The following KCNK2 variants were observed in gnomAD, a reference collection of about 807,000 sequenced individuals.
KCNK2 encodes the protein potassium channel subfamily K member 2.
KCNK2 carries 21 observed loss-of-function variants against 40.5 expected under a neutral mutation model. The ratio of observed to expected loss-of-function variants is 0.52; its 90% CI spans 0.37 to 0.75. The LOEUF is 0.75. Among genes scored for constraint, KCNK2 ranks in the 30% least tolerant of loss-of-function variants. The pLI is 0.00. For missense variants in KCNK2, 399 were observed against 531.6 expected, an observed-to-expected ratio of 0.75 and a Z score of 2.45; for synonymous variants, 191 against 202.2, an observed-to-expected ratio of 0.94 and a Z score of 0.47.
intron 5 of KCNK2, among the ~76,000 whole-genome samples, chr1:215,175,058 A>G (rs1027667191): frequency 2.6e-5 from 4 of 152,112 alleles, no homozygotes; most frequent in Admixed American, 2.6e-4. Flanking sequence ...TTTTCAAAGG[A>G]AATGCTTCCA....
At chr1:215,044,833 G>GCGCA (rs540471262) in intron 1 of KCNK2, among the ~76,000 whole-genome samples, 276 of 141,426 alleles carry the variant, frequency 2.0e-3, no homozygotes, top group African/African-American at 5.2e-3. Context: ...GTGTGCGCGC[G>GCGCA]CACACGTGTG....
At chr1:215,071,247 G>T (rs1658747463) in intron 1 of KCNK2, among the ~76,000 whole-genome samples, 1 of 152,174 alleles carries the variant, frequency 6.6e-6, no homozygotes, top group Non-Finnish European at 1.5e-5. Flanking sequence ...AGGTCTCAGA[G>T]AAGCTTGTGA....
intron 1 of KCNK2, among the ~76,000 whole-genome samples, chr1:215,048,265 T>G: frequency 6.6e-6 from 1 of 152,212 alleles, no homozygotes; most frequent in East Asian, 1.9e-4. Flanking sequence ...TGACTCTAAG[T>G]CATCAGTTCA....
intron 5 of KCNK2, among the ~76,000 whole-genome samples, chr1:215,185,045 G>A (rs1664378395): frequency 6.6e-6 from 1 of 152,096 alleles, no homozygotes; most frequent in Admixed American, 6.6e-5. Flanking sequence ...ATAGGAGAAT[G>A]ATAGCTGTGT....
intron 1 of KCNK2, among the ~76,000 whole-genome samples, chr1:215,067,595 G>T (rs1429288084): frequency 6.6e-6 from 1 of 152,110 alleles, no homozygotes; most frequent in East Asian, 1.9e-4. Context: ...CATCACACTT[G>T]TTGAATTTTT....
chr1:215,087,731 G>C (rs1659508933), intron 2 of KCNK2, among the ~76,000 whole-genome samples: 1 of 152,180 alleles, frequency 6.6e-6, no homozygotes, highest in African/African-American at 2.4e-5. Context: ...TTGTTTGAAT[G>C]AGTTGGAATA....
chr1:215,124,560 G>T, intron 2 of KCNK2, 73 bp from the exon 3 acceptor site: 1 of 853,050 alleles, frequency 1.2e-6, no homozygotes, highest in Non-Finnish European at 2.0e-6. Context: ...AGTCATTTCT[G>T]GGGTGGAATA....
chr1:215,061,455 A>G (rs1200404432), intron 1 of KCNK2, among the ~76,000 whole-genome samples: 1 of 152,098 alleles, frequency 6.6e-6, no homozygotes, highest in Non-Finnish European at 1.5e-5. Context: ...TTTGGGAGGA[A>G]TGGGTTCAGA....
At chr1:215,172,825 T>C (rs958212458) in intron 5 of KCNK2, among the ~76,000 whole-genome samples, 7 of 151,912 alleles carry the variant, frequency 4.6e-5, no homozygotes, top group Non-Finnish European at 7.4e-5. Flanking sequence ...CCCAGCTAAT[T>C]GATGTATTTT....
intron 3 of KCNK2, among the ~76,000 whole-genome samples, chr1:215,127,849 C>T (rs1661499631): frequency 6.6e-6 from 1 of 152,172 alleles, no homozygotes; most frequent in Non-Finnish European, 1.5e-5. Context: ...TTGGAAATTA[C>T]ATAACACCAT....
intron 3 of KCNK2, among the ~76,000 whole-genome samples, chr1:215,146,595 T>C (rs1662427006): frequency 6.6e-6 from 1 of 152,130 alleles, no homozygotes; most frequent in African/African-American, 2.4e-5. Context: ...TATACATACT[T>C]TCCCAGTCTG....
chr1:215,085,865 A>G (rs1444062968), intron 1 of KCNK2, among the ~76,000 whole-genome samples: 7 of 152,216 alleles, frequency 4.6e-5, no homozygotes. Context: ...TTCTTTTATA[A>G]TGCAATTCAT....
At chr1:215,070,333 G>GAA (rs1658706426) in intron 1 of KCNK2, among the ~76,000 whole-genome samples, 4 of 150,882 alleles carry the variant, frequency 2.7e-5, no homozygotes, top group African/African-American at 9.8e-5. Flanking sequence ...GGAGAATGGC[G>GAA]TGAATCTGGG....
chr1:215,111,230 A>G (rs976067755), intron 2 of KCNK2, among the ~76,000 whole-genome samples: 1 of 151,966 alleles, frequency 6.6e-6, no homozygotes, highest in Non-Finnish European at 1.5e-5. Context: ...TTTCTTGCCA[A>G]GTTGCTCTAC....
chr1:215,196,485 T>C (rs1200772111), intron 6 of KCNK2, among the ~76,000 whole-genome samples: 1 of 152,218 alleles, frequency 6.6e-6, no homozygotes, highest in Non-Finnish European at 1.5e-5. Context: ...ATTTCCTAAT[T>C]GGGAATTTAC....
chr1:215,131,164 TTTTTTA>T (rs996247530), intron 3 of KCNK2, among the ~76,000 whole-genome samples: 81 of 151,826 alleles, frequency 5.3e-4, no homozygotes, highest in African/African-American at 1.9e-3. Flanking sequence ...CCAGCAAGTT[TTTTTTA>T]TTTTTAAGTT....
chr1:215,213,639 C>G (rs1363828803), intron 6 of KCNK2, among the ~76,000 whole-genome samples: 3 of 151,876 alleles, frequency 2.0e-5, no homozygotes, highest in Non-Finnish European at 2.9e-5. Context: ...CCTAATTTTA[C>G]TATAAAATTA....
chr1:215,211,928 C>G (rs1665760473), intron 6 of KCNK2, among the ~76,000 whole-genome samples: 3 of 151,942 alleles, frequency 2.0e-5, no homozygotes, highest in Admixed American at 2.0e-4. Flanking sequence ...GTGGTTTATA[C>G]TCATTCTATT....
At position 215,083,245 on chromosome 1, in the gene KCNK2, A is replaced by C; in HGVS notation, c.-141A>C. 6.3e-7 allele frequency: 1 copy of C among 1,598,600 alleles called. No homozygotes were observed. The highest frequency in any genetic ancestry group is 1.1e-5 in the South Asian group (1 of 90,034). ...AGCCCCGCTCTCCCCACCTTGTAAA[A>C]CAAAGCCGGGGAAAATGCCTGCCCG... On this transcript the variant is annotated 5_prime_UTR_variant, in exon 1 of 7. Coordinates refer to ENST00000444842, the MANE Select transcript of KCNK2 (RefSeq NM_001017425.3).
Sources: gnomAD v4.1 joint callset for allele counts (sites outside exome capture counted in the v4.1 genomes callset) on GRCh38, gnomAD v4.1.1 for gene constraint, MANE v1.5 for transcripts, NCBI Gene and HGNC (gene_info 2026-07-23, HGNC 2026-07-21) for gene names.